DPP6: variants seen among roughly 807,000 people sequenced by gnomAD.
The protein encoded by DPP6 is dipeptidyl peptidase like 6, also known as A-type potassium channel modulatory protein DPP6.
A neutral mutation model predicts 122.6 loss-of-function variants in DPP6; 69 were observed. The observed-to-expected ratio is 0.56, with a 90% CI of 0.46 to 0.69. DPP6 has a LOEUF of 0.69. Among genes scored for constraint, DPP6 ranks in the 30% least tolerant of loss-of-function variants. The pLI, the probability that DPP6 is intolerant of heterozygous loss-of-function variation, is 0.00. For synonymous variants in DPP6, 418 were observed against 433.1 expected (o/e 0.97, Z 0.43); for missense variants, 928 against 1,116.9 (o/e 0.83, Z 2.41).
At chr7:154,359,304 T>C (rs1811530214) in intron 1 of DPP6, among the ~76,000 whole-genome samples, 2 of 152,056 alleles carry the variant, frequency 1.3e-5, no homozygotes, top group South Asian at 2.1e-4. Flanking sequence ...ACCCTGTTGG[T>C]GTTGGGATAA....
chr7:153,842,412 A>G, the DPP6 span, among the ~76,000 whole-genome samples: 16 of 152,270 alleles, frequency 1.1e-4, no homozygotes, highest in African/African-American at 3.8e-4. Flanking sequence ...TGTAGTTAAT[A>G]TTCTCATTTG....
At chr7:154,310,119 T>C (rs971892691) in intron 1 of DPP6, among the ~76,000 whole-genome samples, 18 of 152,146 alleles carry the variant, frequency 1.2e-4, no homozygotes, top group Non-Finnish European at 2.5e-4. Context: ...TTGGATATCC[T>C]ACAGAGAGCA....
At chr7:154,612,408 A>C (rs1833967897) in intron 5 of DPP6, among the ~76,000 whole-genome samples, 1 of 152,242 alleles carries the variant, frequency 6.6e-6, no homozygotes, top group Non-Finnish European at 1.5e-5. Flanking sequence ...GATTTATAAA[A>C]TATGTAACCT....
Position 154,020,091 on chromosome 7 carries a change from C to T in DPP6, c.51+132357C>T, listed in dbSNP as rs1043473777. On this transcript the variant is annotated intron_variant, in intron 1 of 25. Coordinates refer to the DPP6 transcript ENST00000404039. Reference sequence around the variant, plus strand: ...AGCCCAGGTTTCAAATAAAACTTTCCAGAATTTCACACACACACAAACACA... The same window carrying T: ...AGCCCAGGTTTCAAATAAAACTTTCTAGAATTTCACACACACACAAACACA... 2.0e-5 allele frequency among the ~76,000 whole-genome samples: 3 copies of T among 150,192 alleles called. No individual in the cohort carries two copies. In the Admixed American group the frequency reaches 2.0e-4, roughly 10 times the overall value.
At chr7:153,967,731 A>C (rs2129031888) in intron 1 of DPP6, among the ~76,000 whole-genome samples, 1 of 152,194 alleles carries the variant, frequency 6.6e-6, no homozygotes, top group East Asian at 1.9e-4. Flanking sequence ...CATGCGAGAT[A>C]GTTTTAATTC....
intron 1 of DPP6, among the ~76,000 whole-genome samples, chr7:153,961,899 G>T (rs1157442290): frequency 6.9e-6 from 1 of 145,650 alleles, no homozygotes; most frequent in Non-Finnish European, 1.5e-5. Flanking sequence ...GAGCGATGGG[G>T]AGCGGCTGTA....
intron 1 of DPP6, among the ~76,000 whole-genome samples, chr7:153,999,964 GAAAGAAAGAAAGAAAGAAAAAAA>G (rs1171448993): frequency 1.3e-3 from 197 of 148,326 alleles, no homozygotes; most frequent in South Asian, 3.0e-3. Flanking sequence ...CCATCTCAAA[GAAAGAAAGAAAGAAAGAAAAAAA>G]AAACTCAAGC....
At chr7:153,854,186 T>G in the DPP6 span, among the ~76,000 whole-genome samples, 1 of 151,358 alleles carries the variant, frequency 6.6e-6, no homozygotes, top group African/African-American at 2.4e-5. Flanking sequence ...GAGGGCTCTG[T>G]TCTGTTCCAT....
At chr7:153,918,466 A>ACACACTCT (rs1379555083) in intron 1 of DPP6, among the ~76,000 whole-genome samples, 6 of 96,004 alleles carry the variant, frequency 6.2e-5, no homozygotes, top group Non-Finnish European at 8.6e-5. Context: ...ACACACACAC[A>ACACACTCT]CTCTCTCTCT....
chr7:154,580,058 C>T (rs887253678), intron 5 of DPP6, among the ~76,000 whole-genome samples: 10 of 152,010 alleles, frequency 6.6e-5, no homozygotes, highest in South Asian at 2.1e-4. Flanking sequence ...CTGAGTTTCC[C>T]GCGCGTCGGA....
At position 154,883,401 on chromosome 7, in the gene DPP6, C is replaced by T. The variant is rs111161491; in HGVS notation, c.2134-2232C>T. Reference sequence around the variant, plus strand: ...ACATACACCTGCTCACACACACACACATGCTCACCCATACACATGCTCACA... The same window carrying T: ...ACATACACCTGCTCACACACACACATATGCTCACCCATACACATGCTCACA... On this transcript the variant is annotated intron_variant, in intron 21 of 25. Transcript: ENST00000377770. Among the ~76,000 whole-genome samples the T allele has an allele frequency of 7.0e-3, 859 of 122,692 alleles. 25 individuals are homozygous for T. The highest frequency in any genetic ancestry group is 0.025 in the African/African-American group (738 of 29,610). The allele number at this position is 122,692 out of a possible 152,430, so 80.5% of individuals were successfully genotyped here. A position where few individuals can be genotyped will look rare whatever the true frequency, so the allele number is the denominator to read the frequency against.
chr7:154,246,143 A>G (rs1801969283), intron 1 of DPP6, among the ~76,000 whole-genome samples: 1 of 152,226 alleles, frequency 6.6e-6, no homozygotes, highest in Admixed American at 6.5e-5. Flanking sequence ...GTACTCTCCT[A>G]ACTCATGGGT....
At chr7:154,508,171 G>T (rs755702709) in intron 3 of DPP6, among the ~76,000 whole-genome samples, 8 of 152,006 alleles carry the variant, frequency 5.3e-5, no homozygotes, top group Non-Finnish European at 7.4e-5. Flanking sequence ...TTCCAGCTTG[G>T]GATACTGCTC....
intron 3 of DPP6, among the ~76,000 whole-genome samples, chr7:154,507,530 C>G (rs1440664356): frequency 6.6e-6 from 1 of 152,090 alleles, no homozygotes; most frequent in Non-Finnish European, 1.5e-5. Context: ...TCTTTGAAGA[C>G]TTTGGAGAGG....
Position 154,157,890 on chromosome 7 carries a change from G to A in DPP6, c.243+104827G>A, listed in dbSNP as rs527727374. ...AGAGGTTGCGGTGAGCTGAGATTGC[G>A]CCATTGCACTCCAGCCTGGGCAACA... On this transcript the variant is annotated intron_variant, in intron 1 of 25. Transcript: ENST00000377770. Among the ~76,000 whole-genome samples, 145 of 151,238 alleles carry A rather than the reference G, an allele frequency of 9.6e-4. 1 individual carries two copies. The highest frequency in any genetic ancestry group is 3.2e-3 in the African/African-American group (133 of 41,162).
chr7:154,396,784 A>G (rs2151176945), intron 1 of DPP6, among the ~76,000 whole-genome samples: 3 of 152,316 alleles, frequency 2.0e-5, no homozygotes, highest in Admixed American at 2.0e-4. Flanking sequence ...TTTCTACTAA[A>G]AACACAAAAA....
chr7:154,118,264 G>C (rs1014617095), intron 1 of DPP6, among the ~76,000 whole-genome samples: 3 of 150,302 alleles, frequency 2.0e-5, no homozygotes, highest in Non-Finnish European at 4.4e-5. Flanking sequence ...ATTGATTTCT[G>C]GGACATACAT....
chr7:154,306,116 G>A (rs375069897), intron 1 of DPP6, among the ~76,000 whole-genome samples: 1 of 152,170 alleles, frequency 6.6e-6, no homozygotes, highest in Non-Finnish European at 1.5e-5. Flanking sequence ...TAGAGAAGCC[G>A]AAGGATAGAC....
chr7:153,842,166 T>C, the DPP6 span, among the ~76,000 whole-genome samples: 1 of 152,208 alleles, frequency 6.6e-6, no homozygotes, highest in Non-Finnish European at 1.5e-5. Context: ...AAATTTGCCC[T>C]CCAGAAAGGT....
Sources: allele counts gnomAD v4.1 joint callset (sites outside exome capture counted in the v4.1 genomes callset), GRCh38; gene constraint gnomAD v4.1.1; transcripts MANE v1.5; gene names NCBI Gene and HGNC (gene_info 2026-07-23, HGNC 2026-07-21).